Variants in NID1 observed in about 807,000 individuals in gnomAD.
NID1 encodes the protein nidogen 1.
NID1 carries 76 observed loss-of-function variants against 130.6 expected under a neutral mutation model. The ratio of observed to expected loss-of-function variants is 0.58; its 90% CI spans 0.48 to 0.70. The LOEUF is 0.70. Ranked by LOEUF, NID1 falls within the 30% of genes least tolerant of loss-of-function variation. The pLI, the probability that NID1 is intolerant of heterozygous loss-of-function variation, is 0.00. For synonymous variants in NID1, 665 were observed against 675.1 expected, an observed-to-expected ratio of 0.98 and a Z score of 0.23; for missense variants, 1,517 against 1,664.8, an observed-to-expected ratio of 0.91 and a Z score of 1.54.
chr1:236,061,236 A>C (rs945312222), intron 1 of NID1, among the ~76,000 whole-genome samples: 2 of 152,164 alleles, frequency 1.3e-5, no homozygotes, highest in Admixed American at 1.3e-4. Context: ...TAGGTGAAAG[A>C]TTAGTGGGCA....
intron 4 of NID1, among the ~76,000 whole-genome samples, chr1:236,040,170 A>T (rs1341709644): frequency 6.6e-6 from 1 of 152,178 alleles, no homozygotes; most frequent in Non-Finnish European, 1.5e-5. Context: ...AAAACCCAAC[A>T]TATGCAAGGA....
rs775928014 is a variant in NID1 at position 235,979,056 on chromosome 1, G to A, written c.3561C>T (p.Phe1187=). ...ACAGCCGGGTCTGCTTGTGGGGTTG[G>A]AAAGCATCCGTCTCCTTGGAAATTG... ...DLAISKETDA[F]QPHKQTRLYG... Residue 1187 remains phenylalanine, a synonymous_variant, in exon 19 of 20, where the codon TTC becomes TTT. Coordinates refer to ENST00000264187, the MANE Select transcript of NID1 (RefSeq NM_002508.3). The surrounding 1 kb of genome is among the most constrained non-coding windows in gnomAD (Gnocchi z 4.6). 6.2e-7 allele frequency: 1 copy of A among 1,614,112 alleles called. No individual in the cohort carries two copies. The highest frequency in any genetic ancestry group is 1.1e-5 in the South Asian group (1 of 91,072).
At chr1:236,055,737 G>C (rs897005135) in intron 1 of NID1, among the ~76,000 whole-genome samples, 1 of 152,090 alleles carries the variant, frequency 6.6e-6, no homozygotes, top group African/African-American at 2.4e-5. Context: ...GGCTCTAATA[G>C]ATAAGCCAAG....
At chr1:236,020,113 G>A (rs1053470474) in intron 9 of NID1, among the ~76,000 whole-genome samples, 26 of 149,602 alleles carry the variant, frequency 1.7e-4, no homozygotes, top group African/African-American at 5.9e-4. Flanking sequence ...CCTTTCTTCA[G>A]TGGTATTGAA....
chr1:236,048,199 GT>G, intron 2 of NID1, among the ~76,000 whole-genome samples: 1 of 151,930 alleles, frequency 6.6e-6, no homozygotes, highest in East Asian at 1.9e-4. Flanking sequence ...GCCGGGCGTG[GT>G]GGTGGTCGCC....
rs148803526 is a variant in NID1, at chr1:236,030,829, A to C, written c.1538-1079T>G. 7.1e-3 allele frequency among the ~76,000 whole-genome samples: 1,081 copies of C among 152,324 alleles called. 16 individuals are homozygous for C. Among genetic ancestry groups the C allele is most frequent in the African/African-American group, 0.025 (1,039 of 41,578 alleles). On this transcript the variant is annotated intron_variant, in intron 6 of 19. Coordinates refer to ENST00000264187, the MANE Select transcript of NID1 (RefSeq NM_002508.3). Reference sequence around the variant, plus strand: ...TTGCTGCTGTCAGGAATTTGCAAAGACTTCCTCTCCCTCAGCCCAGCTGAA... The same window carrying C: ...TTGCTGCTGTCAGGAATTTGCAAAGCCTTCCTCTCCCTCAGCCCAGCTGAA...
Position 236,057,718 on chromosome 1 carries a change from G to A in NID1, c.225+7137C>T, listed in dbSNP as rs184540907. 1.6e-3 allele frequency among the ~76,000 whole-genome samples: 227 copies of A among 137,986 alleles called. 2 individuals carry two copies. Among genetic ancestry groups the A allele is most frequent in the African/African-American group, 5.7e-3 (210 of 36,902 alleles). The allele number at this position is 137,986 out of a possible 152,430, so 90.5% of individuals were successfully genotyped here. On this transcript the variant is annotated intron_variant, in intron 1 of 19. Coordinates refer to ENST00000264187, the MANE Select transcript of NID1 (RefSeq NM_002508.3). The stretch of plus-strand genomic sequence containing the variant: ...AAGAAAGAAGGAAAGAAAGAAAGAC[G>A]GAAAGAAAGAAAGAAAAAGAGAGAG...
chr1:236,062,985 C>G (rs1660083664), intron 1 of NID1, among the ~76,000 whole-genome samples: 2 of 150,776 alleles, frequency 1.3e-5, no homozygotes, highest in South Asian at 4.2e-4. Context: ...GAAATCCCGT[C>G]TATACTAAAA....
In NID1 at chr1:236,032,399, A is replaced by T. The variant is rs1386148543; in HGVS notation, c.1537+2T>A. On this transcript the variant is annotated splice_donor_variant, in intron 6 of 19. Transcript: ENST00000264187. LOFTEE classifies it high-confidence loss of function. ...CTAATTTTAATGTCGGATATAAATT[A>T]CCGGTGATGCTGAACCCATTCTTGA... 1 of 1,613,236 alleles carries T rather than the reference A, an allele frequency of 6.2e-7. No homozygotes were observed. The highest frequency in any genetic ancestry group is 8.5e-7 in the Non-Finnish European group (1 of 1,179,612).
chr1:235,993,987 T>C lies in NID1; in HGVS notation c.2528-115A>G, dbSNP rs957448979. On this transcript the variant is annotated intron_variant, in intron 12 of 19. Coordinates refer to ENST00000264187, the MANE Select transcript of NID1 (RefSeq NM_002508.3). ...CAGAACCACGAGGGCTGCCTGTGTG[T>C]CACTGGGTTTTGTTTCATCAGTTAT... The C allele has an allele frequency of 1.2e-4, 101 of 822,404 alleles. No homozygotes were observed. The Admixed American group carries it at 2.8e-3, about 23-fold the overall frequency. The allele number at this position is 822,404 out of a possible 1,614,324, so 50.9% of individuals were successfully genotyped here.
chr1:236,003,015 T>A (rs1243000800), intron 12 of NID1, among the ~76,000 whole-genome samples: 1 of 152,168 alleles, frequency 6.6e-6, no homozygotes, highest in Admixed American at 6.5e-5. Flanking sequence ...CCAGCTTTTT[T>A]AGCCCACCTG....
intron 1 of NID1, 74 bp from the exon 2 acceptor site, chr1:236,049,063 T>C (rs1425541222): frequency 1.4e-6 from 2 of 1,444,068 alleles, no homozygotes; most frequent in East Asian, 4.5e-5. Flanking sequence ...CACCCACTCC[T>C]AGAATACTGT....
At chr1:236,053,264 T>C (rs1659812369) in intron 1 of NID1, among the ~76,000 whole-genome samples, 1 of 152,244 alleles carries the variant, frequency 6.6e-6, no homozygotes, top group East Asian at 1.9e-4. Flanking sequence ...GGAAGTTTGG[T>C]GATGTGTTTC....
At chr1:236,036,109 G>T (rs920853486) in intron 5 of NID1, among the ~76,000 whole-genome samples, 3 of 152,192 alleles carry the variant, frequency 2.0e-5, no homozygotes, top group Non-Finnish European at 2.9e-5. Context: ...GGTAGAAAAG[G>T]CTAAGAGGTT....
intron 3 of NID1, 76 bp downstream of exon 3, chr1:236,045,381 A>G: frequency 2.0e-6 from 2 of 1,021,342 alleles, no homozygotes; most frequent in Non-Finnish European, 3.0e-6. Context: ...TTAGGTAATG[A>G]TCTATAATAC....
intron 5 of NID1, 59 bp downstream of exon 5, chr1:236,038,045 A>G: frequency 1.9e-6 from 3 of 1,544,580 alleles, no homozygotes; most frequent in South Asian, 2.4e-5. Flanking sequence ...AACGAGCACC[A>G]AAACAAAAAC....
intron 10 of NID1, among the ~76,000 whole-genome samples, chr1:236,016,468 G>A (rs547682025): frequency 6.6e-6 from 1 of 152,256 alleles, no homozygotes; most frequent in African/African-American, 2.4e-5. Context: ...CATTTGACAT[G>A]GCACCCTCCA....
intron 12 of NID1, among the ~76,000 whole-genome samples, chr1:236,003,409 T>C (rs1476398568): frequency 6.6e-6 from 1 of 152,216 alleles, no homozygotes; most frequent in Admixed American, 6.5e-5. Context: ...AATTATCTAG[T>C]CTCTCTAACC....
Position 235,976,742 on chromosome 1 carries a change from TA to T in NID1, c.*1124del, listed in dbSNP as rs1558417637. The T allele has an allele frequency of 6.6e-6, 1 of 152,202 alleles. No homozygotes were observed. Among genetic ancestry groups the T allele is most frequent in the Non-Finnish European group, 1.5e-5 (1 of 68,038 alleles). The allele number at this position is 152,202 out of a possible 1,614,324, so 9.4% of individuals were successfully genotyped here. A position where few individuals can be genotyped will look rare whatever the true frequency, so the allele number is the denominator to read the frequency against. On this transcript the variant is annotated 3_prime_UTR_variant, in exon 20 of 20. Coordinates refer to ENST00000264187, the MANE Select transcript of NID1 (RefSeq NM_002508.3). Reference sequence around the variant, plus strand: ...CAATAAAGGATATGAACCATTAGTATAAATATTCAATTCAGTCTTTCCGGAT... The same window carrying T: ...CAATAAAGGATATGAACCATTAGTATAATATTCAATTCAGTCTTTCCGGAT...
Sources: allele counts gnomAD v4.1 joint callset (sites outside exome capture counted in the v4.1 genomes callset), GRCh38; gene constraint gnomAD v4.1.1; non-coding constraint Gnocchi (gnomAD v3.1); transcripts MANE v1.5; gene names NCBI Gene and HGNC (gene_info 2026-07-23, HGNC 2026-07-21).